Variants in BCAR3 observed in about 807,000 individuals in gnomAD.
BCAR3 encodes breast cancer anti-estrogen resistance protein 3.
In BCAR3, 37 loss-of-function variants were observed where a neutral mutation model predicts 80.1. That is an observed-to-expected ratio of 0.46 (90% confidence interval 0.36 to 0.61). The LOEUF (loss-of-function observed/expected upper bound fraction) is 0.61. BCAR3 is among the 20% of genes least tolerant of loss of function. BCAR3 has a pLI of 0.00. For missense variants in BCAR3, 978 were observed against 1,068.2 expected, an observed-to-expected ratio of 0.92 and a Z score of 1.18; for synonymous variants, 389 against 418.9, an observed-to-expected ratio of 0.93 and a Z score of 0.87.
At chr1:93,717,444 G>T (rs1249086714) in intron 2 of BCAR3, among the ~76,000 whole-genome samples, 1 of 152,158 alleles carries the variant, frequency 6.6e-6, no homozygotes, top group Non-Finnish European at 1.5e-5. Context: ...GAGATAAGAG[G>T]CTGGGCGCAG....
intron 3 of BCAR3, among the ~76,000 whole-genome samples, chr1:93,600,076 G>A (rs940390482): frequency 6.6e-6 from 1 of 152,192 alleles, no homozygotes; most frequent in African/African-American, 2.4e-5. Flanking sequence ...AGGCCGACAT[G>A]ACAGCCACAG....
At chr1:93,624,943 G>T (rs957287181) in intron 3 of BCAR3, among the ~76,000 whole-genome samples, 4 of 152,222 alleles carry the variant, frequency 2.6e-5, no homozygotes, top group African/African-American at 4.8e-5. Flanking sequence ...AGGCGCGGTG[G>T]CTCATGCCTG....
chr1:93,808,482 T>C (rs1024496937), intron 2 of BCAR3, among the ~76,000 whole-genome samples: 10 of 152,168 alleles, frequency 6.6e-5, no homozygotes, highest in Admixed American at 6.5e-4. Context: ...TTCTAGAAAG[T>C]TACCTGAGAA....
intron 2 of BCAR3, among the ~76,000 whole-genome samples, chr1:93,712,235 G>A (rs907040218): frequency 2.6e-5 from 4 of 152,104 alleles, no homozygotes; most frequent in Non-Finnish European, 5.9e-5. Context: ...CTCTGTCCCC[G>A]ACCCTGGTTC....
At chr1:93,622,391 C>T (rs1675341087) in intron 3 of BCAR3, among the ~76,000 whole-genome samples, 1 of 152,214 alleles carries the variant, frequency 6.6e-6, no homozygotes, top group Admixed American at 6.5e-5. Context: ...CACCTGGTCA[C>T]CAGAAGTGCT....
At chr1:93,619,550 TAC>T (rs1359953720) in intron 3 of BCAR3, among the ~76,000 whole-genome samples, 1 of 152,250 alleles carries the variant, frequency 6.6e-6, no homozygotes, top group Non-Finnish European at 1.5e-5. Flanking sequence ...TTCTTTGCTG[TAC>T]ACTTTTCTCT....
At chr1:93,704,598 T>A (rs1649771221) in intron 3 of BCAR3, among the ~76,000 whole-genome samples, 1 of 152,080 alleles carries the variant, frequency 6.6e-6, no homozygotes, top group Non-Finnish European at 1.5e-5. Flanking sequence ...CAGGGGTGCA[T>A]TATGAATGCC....
chr1:93,825,841 C>T (rs1654353235), intron 2 of BCAR3, among the ~76,000 whole-genome samples: 1 of 152,196 alleles, frequency 6.6e-6, no homozygotes, highest in African/African-American at 2.4e-5. Context: ...TCTGTGCCTA[C>T]TTTGGAATCC....
chr1:93,567,243 A>G (rs958699967), intron 11 of BCAR3, 36 bp downstream of exon 11: 2 of 1,600,324 alleles, frequency 1.2e-6, no homozygotes, highest in African/African-American at 1.3e-5. Context: ...ATTACGATAC[A>G]GTGTTAGAGA....
At chr1:93,806,323 T>C (rs768340662) in intron 2 of BCAR3, among the ~76,000 whole-genome samples, 2 of 152,206 alleles carry the variant, frequency 1.3e-5, no homozygotes, top group Non-Finnish European at 1.5e-5. Flanking sequence ...ATTCTCTTCA[T>C]AGGAGAGTGA....
chr1:93,785,489 T>C (rs1259839221), intron 2 of BCAR3, among the ~76,000 whole-genome samples: 2 of 152,128 alleles, frequency 1.3e-5, no homozygotes, highest in African/African-American at 4.8e-5. Flanking sequence ...TTCAAATACG[T>C]AAGAATTCAC....
intron 1 of BCAR3, among the ~76,000 whole-genome samples, chr1:93,680,064 TA>T (rs1352316847): frequency 6.6e-6 from 1 of 152,232 alleles, no homozygotes; most frequent in Non-Finnish European, 1.5e-5. Context: ...CTTATCCACT[TA>T]AAATGAAGTT....
At chr1:93,778,768 T>C (rs1652661492) in intron 2 of BCAR3, among the ~76,000 whole-genome samples, 1 of 152,134 alleles carries the variant, frequency 6.6e-6, no homozygotes, top group Non-Finnish European at 1.5e-5. Flanking sequence ...ATCCTACTCA[T>C]CCTGCAGTTT....
intron 2 of BCAR3, among the ~76,000 whole-genome samples, chr1:93,772,709 A>G (rs12144135): frequency 0.12 from 17,818 of 152,100 alleles, 1,465 homozygotes; most frequent in African/African-American, 0.22. Context: ...GGTTTAAGCA[A>G]TTCTCCTGTC....
At chr1:93,682,064 G>T (rs890786914), upstream of BCAR3, among the ~76,000 whole-genome samples, 1 of 152,162 alleles carries the variant, frequency 6.6e-6, no homozygotes, top group Non-Finnish European at 1.5e-5. Context: ...GCTCTCTCCA[G>T]AGACAGCCTC....
At chr1:93,784,857 T>G (rs778043497) in intron 2 of BCAR3, among the ~76,000 whole-genome samples, 3 of 152,206 alleles carry the variant, frequency 2.0e-5, no homozygotes, top group Non-Finnish European at 4.4e-5. Context: ...CTAGGCAAGA[T>G]TGTGGTGTTA....
intron 3 of BCAR3, among the ~76,000 whole-genome samples, chr1:93,695,586 G>T (rs1404466740): frequency 1.3e-5 from 2 of 152,186 alleles, no homozygotes; most frequent in Non-Finnish European, 2.9e-5. Context: ...AGCTGCTCAA[G>T]TTTCCCTTGC....
At chr1:93,721,512 C>T (rs754028912) in intron 2 of BCAR3, among the ~76,000 whole-genome samples, 5 of 152,130 alleles carry the variant, frequency 3.3e-5, no homozygotes, top group East Asian at 1.9e-4. Context: ...GGGAATGCGA[C>T]GGAACTTTTC....
upstream of BCAR3, among the ~76,000 whole-genome samples, chr1:93,685,861 C>T (rs1234913896): frequency 6.6e-6 from 1 of 151,996 alleles, no homozygotes; most frequent in Admixed American, 6.6e-5. Flanking sequence ...TTTTAATTTA[C>T]ATTTCTTTTA....
Sources: gnomAD v4.1 joint callset for allele counts (sites outside exome capture counted in the v4.1 genomes callset) on GRCh38, gnomAD v4.1.1 for gene constraint, MANE v1.5 for transcripts, NCBI Gene and HGNC (gene_info 2026-07-23, HGNC 2026-07-21) for gene names.